The following DECR2 variants were observed in gnomAD, a reference collection of about 807,000 sequenced individuals.
The protein encoded by DECR2 is 2,4-dienoyl-CoA reductase 2.
In DECR2, 34 loss-of-function variants were observed where a neutral mutation model predicts 29.2. The ratio of observed to expected loss-of-function variants is 1.16; its 90% CI spans 0.89 to 1.55. DECR2 has a LOEUF of 1.55. DECR2 is among the 40% of genes most tolerant of loss of function. DECR2 has a pLI of 0.00. For missense variants in DECR2, 485 were observed against 425.3 expected (o/e 1.14, Z -1.23); for synonymous variants, 224 against 182.7 (o/e 1.23, Z -1.82).
At chr16:406,425 G>T (rs1247370377) in intron 3 of DECR2, 28 bp downstream of exon 3, 1 of 1,605,046 alleles carries the variant, frequency 6.2e-7, no homozygotes, top group Admixed American at 1.7e-5. Flanking sequence ...ATGGTCCCCT[G>T]TTCGGGTGGC....
chr16:410,383 G>A lies in DECR2; in HGVS notation c.462+16G>A, dbSNP rs201553914. On this transcript the variant is annotated intron_variant, in intron 5 of 8. Coordinates refer to ENST00000219481, the MANE Select transcript of DECR2 (RefSeq NM_020664.4). The surrounding 1 kb of genome is among the most constrained non-coding windows in gnomAD (Gnocchi z 4.1). The stretch of plus-strand genomic sequence containing the variant: ...GTTCTTCCGGGTGGGTGCCTCGTGC[G>A]CTCTGTGAGAAGTTCTTCCGGGTGG... The A allele has an allele frequency of 1.4e-3, 2,189 of 1,586,072 alleles. 7 individuals carry two copies. The highest frequency in any genetic ancestry group is 4.7e-3 in the Middle Eastern group (24 of 5,102).
rs1183005528 is a variant in DECR2, at chr16:401,940, C to T, written c.-24C>T. 6.8e-7 allele frequency: 1 copy of T among 1,477,256 alleles called. No homozygotes were observed. Among genetic ancestry groups the T allele is most frequent in the Non-Finnish European group, 8.9e-7 (1 of 1,120,876 alleles). 91.5% of individuals were successfully genotyped at this position (1,477,256 alleles called of 1,614,324 possible). On this transcript the variant is annotated 5_prime_UTR_variant, in exon 1 of 9. Coordinates refer to ENST00000219481, the MANE Select transcript of DECR2 (RefSeq NM_020664.4). Reference sequence around the variant, plus strand: ...GCCGAGGCCGCTCCCGCCCGTTGTCCCCGCAGTCCCCGACGGGAGCGCCAT... The same window carrying T: ...GCCGAGGCCGCTCCCGCCCGTTGTCTCCGCAGTCCCCGACGGGAGCGCCAT...
intron 2 of DECR2, chr16:405,319 A>G (rs1243447055): frequency 1.8e-6 from 1 of 559,054 alleles, no homozygotes; most frequent in Non-Finnish European, 3.1e-6. Context: ...TGCAGAGCAC[A>G]TTTTCTCCTG....
rs1482295649 is a variant in DECR2, at chr16:412,264, G to A, written c.*375G>A. The A allele has an allele frequency of 6.6e-6, 1 of 152,410 alleles. No homozygotes were observed. The highest frequency in any genetic ancestry group is 2.4e-5 in the African/African-American group (1 of 41,448). The allele number at this position is 152,410 out of a possible 1,614,324, so 9.4% of individuals were successfully genotyped here. ...TGTTCTCTTGGCTGAAAACACTGAG[G>A]TGCTCCCATCTGTGCGTGGCCCATG... is the stretch of plus-strand genomic sequence containing the variant. On this transcript the variant is annotated 3_prime_UTR_variant, in exon 9 of 9. Coordinates refer to ENST00000219481, the MANE Select transcript of DECR2 (RefSeq NM_020664.4).
chr16:410,903 C>T lies in DECR2; in HGVS notation c.557-69C>T. 1.3e-6 allele frequency: 2 copies of T among 1,536,876 alleles called. No homozygotes were observed. The highest frequency in any genetic ancestry group is 2.0e-5 in the Admixed American group (1 of 50,206). On this transcript the variant is annotated intron_variant, in intron 6 of 8. Transcript: ENST00000219481. This position sits in a 1 kb window ranked among gnomAD's most constrained non-coding sequence, Gnocchi z 4.1. The stretch of plus-strand genomic sequence containing the variant: ...CTGAGCCCAGCTGCAGGCAGCGAGA[C>T]CTGGCCTTGGCCCTGCGCCCTCGCA...
In DECR2 at chr16:410,158, C is replaced by A. The variant is rs975672034; in HGVS notation, c.338-85C>A. The A allele has an allele frequency of 1.9e-6, 3 of 1,542,508 alleles. No homozygotes were observed. The highest frequency in any genetic ancestry group is 4.8e-5 in the East Asian group (2 of 41,290). ...CAGGGCACCTGGGCTCCCTCCTGCACCCTCCGCTCTGCCCACCTGGCCACC... is the reference window on the plus strand; with the variant it reads ...CAGGGCACCTGGGCTCCCTCCTGCAACCTCCGCTCTGCCCACCTGGCCACC... On this transcript the variant is annotated intron_variant, in intron 4 of 8. Transcript: ENST00000219481. The surrounding 1 kb of genome is among the most constrained non-coding windows in gnomAD (Gnocchi z 4.1).
rs1567341786 is a variant in DECR2 at position 410,275 on chromosome 16, GC to G, written c.372del (p.Leu125CysfsTer9). 1 of 1,613,600 alleles carries G rather than the reference GC, an allele frequency of 6.2e-7. No individual in the cohort carries two copies. The highest frequency in any genetic ancestry group is 1.1e-5 in the South Asian group (1 of 91,040). ...CGGGAACTTCCTGTGCCCCGCTGGC[GC>G]CTTGTCCTTCAACGCCTTCAAGACC... is the stretch of plus-strand genomic sequence containing the variant. ...AAGNFLCPAG[A>X]LSFNAFKTVM... is the part of the protein sequence containing the mutation. On this transcript the variant is annotated frameshift_variant, in exon 5 of 9. Coordinates refer to ENST00000219481, the MANE Select transcript of DECR2 (RefSeq NM_020664.4). LOFTEE classifies it high-confidence loss of function. This position sits in a 1 kb window ranked among gnomAD's most constrained non-coding sequence, Gnocchi z 4.1.
chr16:404,898 G>A (rs1342855571), intron 1 of DECR2, 58 bp from the exon 2 acceptor site: 11 of 1,591,740 alleles, frequency 6.9e-6, no homozygotes, highest in East Asian at 2.2e-5. Context: ...AAAGTGCTGG[G>A]AGCCACCGGC....
rs537678187 is a variant in DECR2, at chr16:407,530, G to A, written c.307G>A (p.Glu103Lys). 1.9e-6 allele frequency: 3 copies of A among 1,614,082 alleles called. No individual in the cohort carries two copies. The South Asian group carries it at 3.3e-5, about 18-fold the overall frequency. ...GGCCGCCGTGGACCAGGCTCTGAAG[G>A]AGTTTGGCAGAATCGACATTCTCAT... ...VMAAVDQALK[E>K]FGRIDILINC... is the part of the protein sequence containing the mutation. The change falls in exon 4 of 9, where the codon GAG (glutamate) becomes AAG (lysine). Residue 103 changes from glutamate to lysine, a missense_variant. By Grantham distance (56) the Glu-to-Lys change is moderately conservative (BLOSUM62 1). Coordinates refer to ENST00000219481, the MANE Select transcript of DECR2 (RefSeq NM_020664.4).
At chr16:402,297 G>A (rs1240341060) in intron 1 of DECR2, among the ~76,000 whole-genome samples, 2 of 151,552 alleles carry the variant, frequency 1.3e-5, no homozygotes, top group African/African-American at 2.4e-5. Flanking sequence ...GCCTCAGCCC[G>A]GCTAATTTTT....
chr16:411,704 C>A, intron 8 of DECR2, 126 bp downstream of exon 8: 1 of 1,047,274 alleles, frequency 9.5e-7, no homozygotes, highest in South Asian at 1.6e-5. Context: ...GCCCCTGCGC[C>A]AGCCTGCCCA....
intron 4 of DECR2, among the ~76,000 whole-genome samples, chr16:407,965 C>T (rs1407688640): frequency 9.8e-6 from 1 of 101,596 alleles, no homozygotes; most frequent in African/African-American, 3.6e-5. Flanking sequence ...AGGCCTCTGT[C>T]TCCGGCCCCC....
At chr16:405,276 T>G (rs1255718079) in intron 2 of DECR2, 24 of 595,092 alleles carry the variant, frequency 4.0e-5, no homozygotes, top group Non-Finnish European at 2.9e-6. Flanking sequence ...ACCTCGAGAG[T>G]CAGGGCTGTG....
In DECR2 at chr16:411,002, G is replaced by T; in HGVS notation, c.587G>T (p.Trp196Leu). The change falls in exon 7 of 9, where the codon TGG (tryptophan) becomes TTG (leucine). Residue 196 changes from tryptophan to leucine, a missense_variant. Coordinates refer to ENST00000219481, the MANE Select transcript of DECR2 (RefSeq NM_020664.4). The part of the protein sequence containing the change: ...DAMTRHLAVE[W>L]GPQNIRVNSL... Reference sequence around the variant, plus strand: ...ATGACGCGGCACTTGGCTGTGGAGTGGGGTCCCCAAAACATCCGCGTCAAC... The same window carrying T: ...ATGACGCGGCACTTGGCTGTGGAGTTGGGTCCCCAAAACATCCGCGTCAAC... 1 of 1,604,012 alleles carries T rather than the reference G, an allele frequency of 6.2e-7. No individual in the cohort carries two copies. Among genetic ancestry groups the T allele is most frequent in the East Asian group, 2.2e-5 (1 of 44,466 alleles).
At chr16:405,604 C>T in intron 2 of DECR2, 1 of 1,304,188 alleles carries the variant, frequency 7.7e-7, no homozygotes, top group Non-Finnish European at 1.0e-6. Context: ...CAAGCAACCC[C>T]CGAACCAGAA....
rs2054735844 is a variant in DECR2 at position 407,236 on chromosome 16, C to T, written c.202-189C>T. 2.0e-5 allele frequency: 28 copies of T among 1,406,772 alleles called. No homozygotes were observed. The East Asian group carries it at 2.6e-4, about 13-fold the overall frequency. 87.1% of individuals were successfully genotyped at this position (1,406,772 alleles called of 1,614,324 possible). A position where few individuals can be genotyped will look rare whatever the true frequency, so the allele number is the denominator to read the frequency against. ...GGACAGGTGGCAGGTGGGGGGAGAG[C>T]GTGGCAGGTTCCCACAAACATCCAC... On this transcript the variant is annotated intron_variant, in intron 3 of 8. Transcript: ENST00000219481.
chr16:411,704 C>T (rs1413735655), intron 8 of DECR2, 126 bp downstream of exon 8: 7 of 1,047,158 alleles, frequency 6.7e-6, no homozygotes, highest in Non-Finnish European at 8.1e-6. Context: ...GCCCCTGCGC[C>T]AGCCTGCCCA....
At position 411,410 on chromosome 16, in the gene DECR2, G is replaced by C; in HGVS notation, c.711G>C (p.Gln237His). 1 of 1,612,944 alleles carries C rather than the reference G, an allele frequency of 6.2e-7. No homozygotes were observed. Among genetic ancestry groups the C allele is most frequent in the East Asian group, 2.2e-5 (1 of 44,884 alleles). Residue 237 changes from glutamine to histidine, a missense_variant, in exon 8 of 9, where the codon CAG (glutamine) becomes CAC (histidine). Physicochemically the swap from Gln to His is conservative, Grantham distance 24. Coordinates refer to ENST00000219481, the MANE Select transcript of DECR2 (RefSeq NM_020664.4). The part of the protein sequence containing the change: ...LSTKVTASPL[Q>H]RLGNKTEIAH... The stretch of plus-strand genomic sequence containing the variant: ...CCAAGGTCACTGCCAGCCCGCTGCA[G>C]AGGCTGGGGAACAAGACCGAGATCG...
chr16:406,308 C>T (rs532024320), intron 2 of DECR2, 38 bp from the exon 3 acceptor site: 22 of 1,598,576 alleles, frequency 1.4e-5, no homozygotes, highest in African/African-American at 4.0e-5. Context: ...GAGTGCCCCT[C>T]GCCCACACTG....
Sources: allele counts gnomAD v4.1 joint callset (sites outside exome capture counted in the v4.1 genomes callset), GRCh38; gene constraint gnomAD v4.1.1; non-coding constraint Gnocchi (gnomAD v3.1); transcripts MANE v1.5; gene names NCBI Gene and HGNC (gene_info 2026-07-23, HGNC 2026-07-21).